The following STARD9 variants were observed in gnomAD, a reference collection of about 807,000 sequenced individuals.
STARD9 encodes stAR-related lipid transfer protein 9.
STARD9 carries 346 observed loss-of-function variants against 399.8 expected under a neutral mutation model. The ratio of observed to expected loss-of-function variants is 0.87; its 90% CI spans 0.79 to 0.95. The LOEUF is 0.95. Ranked by LOEUF, STARD9 falls within the 40% of genes least tolerant of loss-of-function variation. The probability of loss-of-function intolerance (pLI) is 0.00; values close to 1 mark genes in which losing one functional copy is unlikely to be tolerated. For synonymous variants in STARD9, 2,203 were observed against 2,143.5 expected (o/e 1.03, Z -0.77); for missense variants, 5,832 against 5,667.5 (o/e 1.03, Z -0.93).
At chr15:42,579,117 T>C (rs2058117076) in intron 1 of STARD9, among the ~76,000 whole-genome samples, 1 of 152,172 alleles carries the variant, frequency 6.6e-6, no homozygotes, top group Non-Finnish European at 1.5e-5. Flanking sequence ...CTGGGATTAT[T>C]ATGCCCATCA....
At chr15:42,714,453 A>T (rs554989248) in intron 26 of STARD9, among the ~76,000 whole-genome samples, 7 of 152,326 alleles carry the variant, frequency 4.6e-5, no homozygotes, top group African/African-American at 1.7e-4. Flanking sequence ...TATAGTTCAT[A>T]GTATTAATTC....
chr15:42,634,161 A>C (rs2059380007), intron 3 of STARD9, among the ~76,000 whole-genome samples: 1 of 152,164 alleles, frequency 6.6e-6, no homozygotes, highest in African/African-American at 2.4e-5. Flanking sequence ...CATTCTGCTG[A>C]AGACTGGCTG....
At chr15:42,575,912 G>A in intron 1 of STARD9, 150 bp downstream of exon 1, 1 of 900,180 alleles carries the variant, frequency 1.1e-6, no homozygotes, top group Non-Finnish European at 1.7e-6. Context: ...GAGGCCTGGC[G>A]GGACGGGACC....
intron 20 of STARD9, among the ~76,000 whole-genome samples, chr15:42,679,299 A>T (rs1212652515): frequency 6.6e-6 from 1 of 152,228 alleles, no homozygotes; most frequent in Non-Finnish European, 1.5e-5. Context: ...TTTGTTTGGC[A>T]TTAACAGGTT....
At chr15:42,683,763 A>G (rs2060484585) in intron 22 of STARD9, among the ~76,000 whole-genome samples, 2 of 152,172 alleles carry the variant, frequency 1.3e-5, no homozygotes, top group Admixed American at 1.3e-4. Context: ...ATTGATAATT[A>G]TAGTTCTGTA....
In STARD9 at chr15:42,691,466, G is replaced by T. The variant is rs1419544275; in HGVS notation, c.9888G>T (p.Glu3296Asp). The T allele has an allele frequency of 1.3e-6, 2 of 1,537,232 alleles. No homozygotes were observed. Among genetic ancestry groups the T allele is most frequent in the Non-Finnish European group, 1.7e-6 (2 of 1,146,900 alleles). Residue 3296 changes from glutamate to aspartate, a missense_variant, in exon 23 of 33, where the codon GAG (glutamate) becomes GAT (aspartate). Coordinates refer to ENST00000290607, the MANE Select transcript of STARD9 (RefSeq NM_020759.3). ...GTGGCCACCTCTACACTGGCAGAGA[G>T]CAGCCAGCACCCAACCACAGGGGCT... The part of the protein sequence containing the change: ...QRSGHLYTGR[E>D]QPAPNHRGSL...
chr15:42,637,086 A>AC (rs1485277076), intron 4 of STARD9, among the ~76,000 whole-genome samples: 1 of 151,610 alleles, frequency 6.6e-6, no homozygotes, highest in Non-Finnish European at 1.5e-5. Flanking sequence ...AATTAAAAAA[A>AC]AAAAAAGAAA....
At chr15:42,650,571 A>G (rs763403004) in intron 7 of STARD9, among the ~76,000 whole-genome samples, 2 of 152,184 alleles carry the variant, frequency 1.3e-5, no homozygotes, top group Non-Finnish European at 2.9e-5. Flanking sequence ...TGTGTAGTGT[A>G]ACTTACCATG....
intron 3 of STARD9, among the ~76,000 whole-genome samples, chr15:42,608,761 G>C (rs768760588): frequency 7.9e-5 from 12 of 152,188 alleles, no homozygotes; most frequent in Admixed American, 2.6e-4. Context: ...GTGCTTTGTG[G>C]AAGATACTGA....
intron 7 of STARD9, 139 bp from the exon 8 acceptor site, chr15:42,650,877 T>C (rs552037653): frequency 1.3e-5 from 7 of 524,988 alleles, no homozygotes; most frequent in African/African-American, 1.2e-4. Context: ...TAATTTATTA[T>C]CTGAATGAAT....
At chr15:42,666,463 T>G (rs896017023) in intron 15 of STARD9, among the ~76,000 whole-genome samples, 2 of 151,914 alleles carry the variant, frequency 1.3e-5, no homozygotes, top group Non-Finnish European at 2.9e-5. Flanking sequence ...GCCTTGAAAC[T>G]GGGAGAAGGA....
intron 3 of STARD9, among the ~76,000 whole-genome samples, chr15:42,633,745 C>T (rs149557337): frequency 4.6e-5 from 7 of 151,276 alleles, no homozygotes; most frequent in East Asian, 1.9e-4. Flanking sequence ...TGGGTTCAAG[C>T]GATTCTCCTG....
intron 9 of STARD9, among the ~76,000 whole-genome samples, chr15:42,659,320 GAA>G (rs2059945889): frequency 1.3e-5 from 2 of 152,240 alleles, no homozygotes; most frequent in South Asian, 4.1e-4. Context: ...TTAGGGAGTT[GAA>G]AAAATTCTCA....
chr15:42,623,587 A>G (rs16973396), intron 3 of STARD9, among the ~76,000 whole-genome samples: 2 of 152,126 alleles, frequency 1.3e-5, no homozygotes, highest in East Asian at 1.9e-4. Flanking sequence ...TTCAAGACTC[A>G]TTTCTTTCAA....
intron 7 of STARD9, among the ~76,000 whole-genome samples, chr15:42,643,187 C>G (rs1394486544): frequency 1.3e-5 from 2 of 151,848 alleles, no homozygotes; most frequent in East Asian, 3.9e-4. Context: ...CAAAGTTACC[C>G]TTTTATTGTT....
At position 42,717,801 on chromosome 15, in the gene STARD9, T is replaced by C; in HGVS notation, c.13559+6T>C. 1 of 1,536,894 alleles carries C rather than the reference T, an allele frequency of 6.5e-7. No homozygotes were observed. Among genetic ancestry groups the C allele is most frequent in the Non-Finnish European group, 8.7e-7 (1 of 1,146,744 alleles). On this transcript the variant is annotated splice_donor_region_variant and intron_variant, in intron 29 of 32. Transcript: ENST00000290607. Reference sequence around the variant, plus strand: ...CAGGCAACTGCTGGCTGGAAGTAAGTTTGTTTAGGGTCCTTTGTACAGTGT... The same window carrying C: ...CAGGCAACTGCTGGCTGGAAGTAAGCTTGTTTAGGGTCCTTTGTACAGTGT...
rs2061357954 is a variant in STARD9 at position 42,716,740 on chromosome 15, G to T, written c.13348G>T (p.Ala4450Ser). 2.0e-6 allele frequency: 3 copies of T among 1,536,958 alleles called. No individual in the cohort carries two copies. The highest frequency in any genetic ancestry group is 1.2e-5 in the South Asian group (1 of 84,070). ...WIGDERGGHS[A>S]VRKNSAYSHR... ...AGGGGATGAGCGAGGAGGCCATTCT[G>T]CAGTGAGGAAGAACTCTGCCTACAG... The change falls in exon 27 of 33, where the codon GCA becomes TCA. Residue 4450 changes from alanine to serine, a missense_variant. By Grantham distance (99) the Ala-to-Ser change is moderately conservative. Transcript: ENST00000290607.
At chr15:42,591,685 G>A (rs28461422) in intron 3 of STARD9, among the ~76,000 whole-genome samples, 1,809 of 152,212 alleles carry the variant, frequency 0.012, 45 homozygotes, top group African/African-American at 0.042. Context: ...TCAAAAGATA[G>A]GTTCAAAGTT....
Position 42,674,455 on chromosome 15 carries a change from A to G in STARD9, c.1513A>G (p.Ile505Val), listed in dbSNP as rs1322217522. The G allele has an allele frequency of 7.8e-6, 12 of 1,537,198 alleles. No homozygotes were observed. The highest frequency in any genetic ancestry group is 2.0e-5 in the Admixed American group (1 of 51,010). The part of the protein sequence containing the change: ...LYHLKEGTTK[I>V]GRIDSDQEQD... ...CCCCCTTTAGGAAGGGACAACAAAA[A>G]TAGGAAGGATTGACTCAGACCAGGA... The change falls in exon 17 of 33, where the codon ATA (isoleucine) becomes GTA (valine). Residue 505 changes from isoleucine (I) to valine (V), a missense_variant. Around this residue, in one of 2 missense-constraint regions of STARD9, gnomAD observed 5,828 missense variants for 5,651.1 expected, o/e 1.03. Transcript: ENST00000290607.
Sources: gnomAD v4.1 joint callset for allele counts (sites outside exome capture counted in the v4.1 genomes callset) on GRCh38, gnomAD v4.1.1 for gene constraint, gnomAD v4.1.1 regional missense constraint, MANE v1.5 for transcripts, NCBI Gene and HGNC (gene_info 2026-07-23, HGNC 2026-07-21) for gene names.